Variants in CDH13 observed in about 807,000 individuals in gnomAD.
CDH13 encodes cadherin 13.
CDH13 carries 24 observed loss-of-function variants against 63.8 expected under a neutral mutation model. That is an observed-to-expected ratio of 0.38 (90% CI 0.27 to 0.53). The LOEUF is 0.53. CDH13 is among the 20% of genes least tolerant of loss of function. The probability of loss-of-function intolerance (pLI) is 0.85; values close to 1 mark genes in which losing one functional copy is unlikely to be tolerated. For synonymous variants in CDH13, 503 were observed against 355.3 expected (o/e 1.42, Z -4.67); for missense variants, 1,049 against 903.1 (o/e 1.16, Z -2.07).
At chr16:82,738,879 T>G (rs1283976784) in intron 1 of CDH13, among the ~76,000 whole-genome samples, 2 of 152,244 alleles carry the variant, frequency 1.3e-5, no homozygotes, top group Non-Finnish European at 2.9e-5. Flanking sequence ...CTGCTGCACC[T>G]ACAACCCCTG....
At chr16:82,835,753 A>T (rs932602153) in intron 1 of CDH13, among the ~76,000 whole-genome samples, 2 of 152,198 alleles carry the variant, frequency 1.3e-5, no homozygotes, top group Admixed American at 1.3e-4. Flanking sequence ...AGGAAGCCAG[A>T]AGTGCCCTGC....
chr16:83,624,494 C>G lies in CDH13; in HGVS notation c.1101+21900C>G, dbSNP rs564499250. Among the ~76,000 whole-genome samples the G allele has an allele frequency of 2.0e-5, 3 of 152,228 alleles. No homozygotes were observed. In the South Asian group the frequency reaches 6.2e-4, roughly 32 times the overall value. On this transcript the variant is annotated intron_variant, in intron 8 of 13. Transcript: ENST00000567109. ...GATCATCAGGCATCAGTTAGATTCTCTTAAGAAACGTGCAGCCTGGATCCC... is the reference window on the plus strand; with the variant it reads ...GATCATCAGGCATCAGTTAGATTCTGTTAAGAAACGTGCAGCCTGGATCCC...
At chr16:83,534,576 C>T (rs901076175) in intron 7 of CDH13, among the ~76,000 whole-genome samples, 1 of 152,186 alleles carries the variant, frequency 6.6e-6, no homozygotes, top group Non-Finnish European at 1.5e-5. Flanking sequence ...TGGCCTTTTG[C>T]GATTGGCCCC....
chr16:83,486,342 G>C lies in CDH13; in HGVS notation c.782-135G>C, dbSNP rs1018610499. Reference sequence around the variant, plus strand: ...GAAAAGCTGAAACATAGCAAAGCTTGGGAAATACTTTTCTTTTTTAATTTG... The same window carrying C: ...GAAAAGCTGAAACATAGCAAAGCTTCGGAAATACTTTTCTTTTTTAATTTG... On this transcript the variant is annotated intron_variant, in intron 6 of 13. Coordinates refer to ENST00000567109, the MANE Select transcript of CDH13 (RefSeq NM_001257.5). The C allele has an allele frequency of 4.9e-6, 3 of 617,864 alleles. No individual in the cohort carries two copies. In the African/African-American group the frequency reaches 5.5e-5, roughly 11 times the overall value. The allele number at this position is 617,864 out of a possible 1,614,324, so 38.3% of individuals were successfully genotyped here. A position where few individuals can be genotyped will look rare whatever the true frequency, so the allele number is the denominator to read the frequency against.
intron 8 of CDH13, among the ~76,000 whole-genome samples, chr16:83,618,071 A>G (rs1327652646): frequency 6.6e-6 from 1 of 152,192 alleles, no homozygotes; most frequent in Admixed American, 6.5e-5. Context: ...TGATGAATGA[A>G]TGAATAAATG....
intron 2 of CDH13, among the ~76,000 whole-genome samples, chr16:82,943,171 A>C (rs941556327): frequency 6.6e-5 from 10 of 152,144 alleles, no homozygotes; most frequent in Admixed American, 2.6e-4. Flanking sequence ...TCTCCCACTT[A>C]CTGAGCTTCC....
chr16:83,570,366 A>T (rs1177600707), intron 7 of CDH13, among the ~76,000 whole-genome samples: 2 of 152,076 alleles, frequency 1.3e-5, no homozygotes, highest in African/African-American at 2.4e-5. Context: ...CTCTGATGAC[A>T]CTTGTCTCGG....
intron 1 of CDH13, chr16:82,719,620 T>A (rs1024409724): frequency 2.9e-6 from 1 of 346,916 alleles, no homozygotes. Context: ...CCAAGGTGGG[T>A]GGATCACCTG....
At chr16:82,809,594 G>A (rs1226958618) in intron 1 of CDH13, among the ~76,000 whole-genome samples, 2 of 152,060 alleles carry the variant, frequency 1.3e-5, no homozygotes, top group Admixed American at 6.6e-5. Context: ...TTTGGATTTG[G>A]TTTTATGTTT....
At chr16:83,343,588 G>A (rs1161354891) in intron 5 of CDH13, among the ~76,000 whole-genome samples, 2 of 152,180 alleles carry the variant, frequency 1.3e-5, no homozygotes, top group African/African-American at 4.8e-5. Context: ...CAGGTGGAAT[G>A]TGACTCTACT....
At chr16:83,712,356 G>A (rs911756789) in intron 10 of CDH13, among the ~76,000 whole-genome samples, 1 of 152,130 alleles carries the variant, frequency 6.6e-6, no homozygotes, top group Admixed American at 6.5e-5. Context: ...ACCTGGTTTG[G>A]GACAGGCCTG....
At chr16:83,254,963 CTTTCTTT>C (rs1906053143) in intron 5 of CDH13, among the ~76,000 whole-genome samples, 1 of 4,600 alleles carries the variant, frequency 2.2e-4, no homozygotes, top group African/African-American at 2.5e-4. Flanking sequence ...TTCTTTCTTT[CTTTCTTT>C]CTTTCTTTCT....
At chr16:83,248,161 G>A (rs8056584) in intron 5 of CDH13, among the ~76,000 whole-genome samples, 46,903 of 151,792 alleles carry the variant, frequency 0.31, 7,752 homozygotes, top group African/African-American at 0.39. Flanking sequence ...CACTCACAGC[G>A]CCAGAATGTT....
chr16:83,298,569 C>A (rs2089657884), intron 5 of CDH13, among the ~76,000 whole-genome samples: 1 of 152,168 alleles, frequency 6.6e-6, no homozygotes, highest in African/African-American at 2.4e-5. Flanking sequence ...TGGGTTAGAG[C>A]TTCCTAAGCA....
At chr16:83,215,794 GCTTT>G (rs1336628139) in intron 4 of CDH13, among the ~76,000 whole-genome samples, 1 of 152,130 alleles carries the variant, frequency 6.6e-6, no homozygotes, top group Non-Finnish European at 1.5e-5. Flanking sequence ...ATCTGTATCA[GCTTT>G]CTTTTATCTG....
intron 4 of CDH13, among the ~76,000 whole-genome samples, chr16:83,170,548 C>T (rs2037873505): frequency 6.6e-6 from 1 of 152,102 alleles, no homozygotes; most frequent in Non-Finnish European, 1.5e-5. Context: ...ATTTTCCGGA[C>T]AGCTATCTGT....
At chr16:83,056,171 TAC>T (rs1329401643) in intron 3 of CDH13, among the ~76,000 whole-genome samples, 2 of 152,208 alleles carry the variant, frequency 1.3e-5, no homozygotes, top group African/African-American at 4.8e-5. Flanking sequence ...GATACTATTA[TAC>T]ACACATGTGA....
At position 83,520,624 on chromosome 16, in the gene CDH13, C is replaced by T. The variant is rs146056909; in HGVS notation, c.960+33969C>T. 3.9e-5 allele frequency among the ~76,000 whole-genome samples: 6 copies of T among 152,248 alleles called. No homozygotes were observed. The East Asian group carries it at 5.8e-4, about 15-fold the overall frequency. ...AGGTTCTTGTTTGCATATAATTTTG[C>T]GGAAGTGTTTATGTTTGCCGCTCAA... is the stretch of plus-strand genomic sequence containing the variant. On this transcript the variant is annotated intron_variant, in intron 7 of 13. Transcript: ENST00000567109.
At chr16:83,182,170 G>A (rs942796925) in intron 4 of CDH13, among the ~76,000 whole-genome samples, 2 of 152,184 alleles carry the variant, frequency 1.3e-5, no homozygotes, top group African/African-American at 2.4e-5. Context: ...ATTTTGAAAG[G>A]AAGTGATGAT....
Sources: allele counts gnomAD v4.1 joint callset (sites outside exome capture counted in the v4.1 genomes callset), GRCh38; gene constraint gnomAD v4.1.1; transcripts MANE v1.5; gene names NCBI Gene and HGNC (gene_info 2026-07-23, HGNC 2026-07-21).